Variants in MPP7 observed in about 807,000 individuals in gnomAD.
MPP7 encodes MAGUK p55 subfamily member 7.
Under a neutral mutation model 76.5 loss-of-function variants are expected in MPP7, and 60 were observed. The observed-to-expected ratio is 0.78, with a 90% CI of 0.64 to 0.97. The LOEUF is 0.97. Ranked by LOEUF, MPP7 falls within the 50% of genes least tolerant of loss-of-function variation. The pLI, the probability that MPP7 is intolerant of heterozygous loss-of-function variation, is 0.00. For synonymous variants in MPP7, 237 were observed against 244.5 expected (o/e 0.97, Z 0.29); for missense variants, 641 against 694.0 (o/e 0.92, Z 0.86).
chr10:28,096,804 G>A (rs1357437675), intron 11 of MPP7, among the ~76,000 whole-genome samples: 1 of 151,974 alleles, frequency 6.6e-6, no homozygotes, highest in Non-Finnish European at 1.5e-5. Context: ...ATGAAATCAG[G>A]CCTGGGAAGT....
intron 2 of MPP7, among the ~76,000 whole-genome samples, chr10:28,324,639 G>A (rs573535140): frequency 1.8e-4 from 28 of 152,154 alleles, no homozygotes; most frequent in Non-Finnish European, 3.8e-4. Flanking sequence ...AAAGTAATAC[G>A]GTAATAAAGA....
chr10:28,182,377 T>C (rs1588893540), intron 3 of MPP7, among the ~76,000 whole-genome samples: 2 of 152,210 alleles, frequency 1.3e-5, no homozygotes, highest in East Asian at 3.8e-4. Context: ...TTCAAAATGC[T>C]GAAATAAATG....
chr10:28,287,396 T>TTG (rs901803291), intron 1 of MPP7, among the ~76,000 whole-genome samples: 29 of 152,184 alleles, frequency 1.9e-4, no homozygotes, highest in Admixed American at 1.4e-3. Context: ...GATGGACACG[T>TTG]TTATCACCTG....
In MPP7 at chr10:28,227,275, G is replaced by A. The variant is rs201234940; in HGVS notation, c.37+11293C>T. Among the ~76,000 whole-genome samples the A allele has an allele frequency of 9.9e-3, 1,505 of 152,224 alleles. 24 individuals carry two copies. The highest frequency in any genetic ancestry group is 0.065 in the East Asian group (335 of 5,188). ...TTCTTGTTCACAGAGAACAGCTTGA[G>A]GTCAACTACATGGATAACGATCTTT... On this transcript the variant is annotated intron_variant, in intron 2 of 16. Transcript: ENST00000683449.
chr10:28,153,265 C>CAA (rs201326151), intron 3 of MPP7, among the ~76,000 whole-genome samples: 1 of 149,442 alleles, frequency 6.7e-6, no homozygotes. Flanking sequence ...AAAAAGAAAA[C>CAA]AAAAAAAAAG....
chr10:28,149,170 C>T (rs766682328), intron 4 of MPP7, among the ~76,000 whole-genome samples: 6 of 152,012 alleles, frequency 3.9e-5, no homozygotes, highest in African/African-American at 1.5e-4. Flanking sequence ...TATATTATGG[C>T]CTGGATATTT....
intron 1 of MPP7, among the ~76,000 whole-genome samples, chr10:28,269,547 G>A (rs553400930): frequency 1.3e-3 from 182 of 143,980 alleles, no homozygotes; most frequent in African/African-American, 4.5e-3. Flanking sequence ...TTTTTTAAGA[G>A]ATGAGATCTT....
rs934705561 is a variant in MPP7 at position 28,063,001 on chromosome 10, T to C, written c.1205-3258A>G. ...AGAAAGATTGATAAATTAGATTTCA[T>C]CAAAATTAAACACTTTTGCTTTTTA... On this transcript the variant is annotated intron_variant, in intron 13 of 16. Transcript: ENST00000683449. Among the ~76,000 whole-genome samples, 3 of 151,592 alleles carry C rather than the reference T, an allele frequency of 2.0e-5. No homozygotes were observed. The South Asian group carries it at 6.2e-4, about 32-fold the overall frequency.
At chr10:28,081,218 G>C (rs546057475) in intron 12 of MPP7, among the ~76,000 whole-genome samples, 8 of 152,280 alleles carry the variant, frequency 5.3e-5, no homozygotes, top group African/African-American at 1.9e-4. Flanking sequence ...TCCACAAGAT[G>C]AATTTTTGCT....
intron 1 of MPP7, among the ~76,000 whole-genome samples, chr10:28,293,947 A>G (rs1840981305): frequency 6.6e-6 from 1 of 152,212 alleles, no homozygotes; most frequent in Admixed American, 6.5e-5. Context: ...CAGAGGTGAG[A>G]TCCCGCAGGT....
intron 1 of MPP7, among the ~76,000 whole-genome samples, chr10:28,256,704 T>C: frequency 6.6e-6 from 1 of 152,142 alleles, no homozygotes; most frequent in East Asian, 1.9e-4. Context: ...AACAGAAAAA[T>C]CATACATTCT....
At chr10:28,067,604 G>A (rs1852043676) in intron 13 of MPP7, among the ~76,000 whole-genome samples, 2 of 152,116 alleles carry the variant, frequency 1.3e-5, no homozygotes, top group African/African-American at 2.4e-5. Context: ...CAACCTTTCT[G>A]TAATATTGTC....
intron 11 of MPP7, among the ~76,000 whole-genome samples, chr10:28,104,695 A>G (rs1452923919): frequency 6.6e-6 from 1 of 152,222 alleles, no homozygotes; most frequent in Non-Finnish European, 1.5e-5. Flanking sequence ...TACTTTTATC[A>G]GCAACACTAT....
rs1330736920 is a variant in MPP7 at position 28,262,176 on chromosome 10, A to G, written c.-131-23441T>C. Among the ~76,000 whole-genome samples, 5 of 115,124 alleles carry G rather than the reference A, an allele frequency of 4.3e-5. No individual in the cohort carries two copies. The East Asian group carries it at 1.2e-3, about 27-fold the overall frequency. 75.5% of individuals were successfully genotyped at this position (115,124 alleles called of 152,430 possible). ...AAAAAAAGAAAAAGGAAATAAATAA[A>G]TAAATAAATTATATATATATATATA... is the stretch of plus-strand genomic sequence containing the variant. On this transcript the variant is annotated intron_variant, in intron 1 of 16. Transcript: ENST00000683449.
intron 1 of MPP7, among the ~76,000 whole-genome samples, chr10:28,262,210 T>TATATAC (rs1839986020): frequency 1.2e-4 from 1 of 8,196 alleles, no homozygotes; most frequent in Admixed American, 1.8e-3. Flanking sequence ...TATATATACA[T>TATATAC]ATATATATAT....
intron 1 of MPP7, among the ~76,000 whole-genome samples, chr10:28,272,032 A>G (rs1243587738): frequency 6.6e-6 from 1 of 152,176 alleles, no homozygotes; most frequent in Non-Finnish European, 1.5e-5. Flanking sequence ...TTTGAATAAA[A>G]AGCCAGCTCA....
intron 1 of MPP7, among the ~76,000 whole-genome samples, chr10:28,296,843 T>C (rs1841047767): frequency 6.6e-6 from 1 of 152,226 alleles, no homozygotes; most frequent in African/African-American, 2.4e-5. Flanking sequence ...GCAAATAATC[T>C]TTCCACACAT....
At chr10:28,287,240 A>C (rs571339152) in intron 1 of MPP7, among the ~76,000 whole-genome samples, 32 of 152,338 alleles carry the variant, frequency 2.1e-4, no homozygotes, top group East Asian at 1.9e-3. Flanking sequence ...ATCTGCCACC[A>C]AGAGTGTGAC....
At chr10:28,291,462 A>G (rs550669068) in intron 1 of MPP7, among the ~76,000 whole-genome samples, 1 of 152,160 alleles carries the variant, frequency 6.6e-6, no homozygotes, top group African/African-American at 2.4e-5. Flanking sequence ...AAAATTAGCC[A>G]GGTGTGGTAG....
Sources: allele counts gnomAD v4.1 joint callset (sites outside exome capture counted in the v4.1 genomes callset), GRCh38; gene constraint gnomAD v4.1.1; transcripts MANE v1.5; gene names NCBI Gene and HGNC (gene_info 2026-07-23, HGNC 2026-07-21).